The following RAB12 variants were observed in gnomAD, a reference collection of about 807,000 sequenced individuals.
RAB12 encodes RAB12, member RAS oncogene family, also known as ras-related protein Rab-12.
A neutral mutation model predicts 28.4 loss-of-function variants in RAB12; 11 were observed. The observed-to-expected ratio is 0.39, with a 90% confidence interval of 0.24 to 0.64. RAB12 has a LOEUF of 0.64. Among genes scored for constraint, RAB12 ranks in the 30% least tolerant of loss-of-function variants. RAB12 has a pLI of 0.50. For missense variants in RAB12, 276 were observed against 351.1 expected (o/e 0.79, Z 1.71); for synonymous variants, 138 against 145.3 (o/e 0.95, Z 0.36).
In RAB12 at chr18:8,639,147, C is replaced by CTTTTTGTTT. The variant is rs1567898835; in HGVS notation, c.*890_*891insGTTTTTTTT. 6.2e-5 allele frequency: 1 copy of CTTTTTGTTT among 16,024 alleles called. No homozygotes were observed. The highest frequency in any genetic ancestry group is 1.3e-4 in the Non-Finnish European group (1 of 7,590). 1.0% of individuals were successfully genotyped at this position (16,024 alleles called of 1,614,324 possible). On this transcript the variant is annotated 3_prime_UTR_variant, in exon 6 of 6. Coordinates refer to ENST00000649141, the MANE Select transcript of RAB12 (RefSeq NM_001025300.3). ...ATTCTGATTAAGCCTAGACTGTGTT[C>CTTTTTGTTT]TTTTTTTTTTTTTTTTTTTTTTTTT...
chr18:8,629,669 C>T (rs986040933), intron 2 of RAB12, among the ~76,000 whole-genome samples: 4 of 152,192 alleles, frequency 2.6e-5, no homozygotes, highest in Non-Finnish European at 4.4e-5. Flanking sequence ...AGCTTTCGTG[C>T]TTGTTTGACA....
At chr18:8,636,052 A>G in intron 4 of RAB12, 2 of 550,810 alleles carry the variant, frequency 3.6e-6, no homozygotes, top group South Asian at 4.3e-5. Context: ...CATCACCTTC[A>G]GGATTTTTAT....
chr18:8,632,955 T>C, intron 2 of RAB12: 1 of 496,336 alleles, frequency 2.0e-6, no homozygotes, highest in East Asian at 3.7e-5. Flanking sequence ...ATAATCCATC[T>C]CCATTAATCT....
chr18:8,611,287 A>T (rs2096003635), intron 1 of RAB12, among the ~76,000 whole-genome samples: 1 of 152,224 alleles, frequency 6.6e-6, no homozygotes, highest in Non-Finnish European at 1.5e-5. Flanking sequence ...TTAGTACCTG[A>T]CATAAATAAA....
intron 1 of RAB12, among the ~76,000 whole-genome samples, chr18:8,616,038 G>T (rs12455759): frequency 6.6e-6 from 1 of 152,078 alleles, no homozygotes; most frequent in Admixed American, 6.5e-5. Flanking sequence ...TGCCAGATAC[G>T]TTGTTCCAAA....
chr18:8,630,741 C>A (rs140436020), intron 2 of RAB12, among the ~76,000 whole-genome samples: 2 of 152,186 alleles, frequency 1.3e-5, no homozygotes, highest in Admixed American at 6.5e-5. Flanking sequence ...GAAAAAAGAA[C>A]GCTTTTAGAT....
At chr18:8,618,544 C>G (rs1355753907) in intron 1 of RAB12, among the ~76,000 whole-genome samples, 1 of 151,468 alleles carries the variant, frequency 6.6e-6, no homozygotes, top group South Asian at 2.1e-4. Context: ...GAGCCTTGCT[C>G]TGTCCCCCAG....
chr18:8,610,166 GC>G (rs896934679), intron 1 of RAB12: 6 of 465,262 alleles, frequency 1.3e-5, no homozygotes, highest in African/African-American at 1.2e-4. Context: ...CCTGCCCTTG[GC>G]CCCCGGCCCT....
chr18:8,629,909 TG>T (rs1272864860), intron 2 of RAB12, among the ~76,000 whole-genome samples: 1 of 152,180 alleles, frequency 6.6e-6, no homozygotes, highest in African/African-American at 2.4e-5. Flanking sequence ...CGCACTTGGT[TG>T]GGGTTCTTTG....
chr18:8,615,480 C>A (rs2096006244), intron 1 of RAB12, among the ~76,000 whole-genome samples: 1 of 152,240 alleles, frequency 6.6e-6, no homozygotes, highest in Non-Finnish European at 1.5e-5. Flanking sequence ...TAAGGAAAAT[C>A]ATCCAGAATT....
In RAB12 at chr18:8,633,336, T is replaced by G; in HGVS notation, c.714+9T>G. ...TGAAGATGATTGATAAGGTAAATGT[T>G]GCATTTTTCTGTCCAATGTGAACTC... is the stretch of plus-strand genomic sequence containing the variant. On this transcript the variant is annotated intron_variant, in intron 3 of 5. Transcript: ENST00000649141. 1.9e-6 allele frequency: 3 copies of G among 1,613,238 alleles called. No homozygotes were observed. The highest frequency in any genetic ancestry group is 2.5e-6 in the Non-Finnish European group (3 of 1,179,724).
chr18:8,631,754 T>C (rs937170399), intron 2 of RAB12, among the ~76,000 whole-genome samples: 3 of 152,242 alleles, frequency 2.0e-5, no homozygotes, highest in Admixed American at 1.3e-4. Context: ...TGTACCCTTA[T>C]GATTTATTCT....
Position 8,614,671 on chromosome 18 carries a change from C to T in RAB12, c.514+4718C>T, listed in dbSNP as rs552232124. ...GCGATCTCTGCTCACTGCAAACCTC[C>T]GCCTCCCAGGTTCAAGCAGTTCTCC... On this transcript the variant is annotated intron_variant, in intron 1 of 5. Transcript: ENST00000649141. Among the ~76,000 whole-genome samples, 179 of 152,236 alleles carry T rather than the reference C, an allele frequency of 1.2e-3. 2 individuals are homozygous for T. Among genetic ancestry groups the T allele is most frequent in the Middle Eastern group, 6.8e-3 (2 of 294 alleles).
chr18:8,634,605 C>T (rs941154981), intron 3 of RAB12, among the ~76,000 whole-genome samples: 1 of 152,210 alleles, frequency 6.6e-6, no homozygotes, highest in Non-Finnish European at 1.5e-5. Context: ...CCACCCAGGT[C>T]TTGAGGTCTG....
intron 2 of RAB12, among the ~76,000 whole-genome samples, chr18:8,631,144 C>T (rs1236356953): frequency 6.6e-6 from 1 of 152,218 alleles, no homozygotes; most frequent in Non-Finnish European, 1.5e-5. Flanking sequence ...CCCACCTCAG[C>T]TTCACAAATT....
At chr18:8,627,867 C>G (rs1351377656) in intron 2 of RAB12, among the ~76,000 whole-genome samples, 1 of 152,118 alleles carries the variant, frequency 6.6e-6, no homozygotes, top group Non-Finnish European at 1.5e-5. Context: ...ATATTTCATA[C>G]CCTATATTGG....
chr18:8,633,090 C>T (rs754881434), intron 2 of RAB12, 99 bp from the exon 3 acceptor site: 12 of 1,469,380 alleles, frequency 8.2e-6, no homozygotes, highest in African/African-American at 4.2e-5. Flanking sequence ...GTTCTTTTTT[C>T]GCAGAAAAAC....
At position 8,631,082 on chromosome 18, in the gene RAB12, G is replaced by T. The variant is rs1456259610; in HGVS notation, c.576-2107G>T. Among the ~76,000 whole-genome samples the T allele has an allele frequency of 3.5e-4, 53 of 152,198 alleles. 1 individual carries two copies. The highest frequency in any genetic ancestry group is 3.4e-3 in the Admixed American group (52 of 15,282). Reference sequence around the variant, plus strand: ...TTTTATATTTTTAGTAGAGACGGGGGTTTCACCATGTTGGCCAGGCTGGTC... The same window carrying T: ...TTTTATATTTTTAGTAGAGACGGGGTTTTCACCATGTTGGCCAGGCTGGTC... On this transcript the variant is annotated intron_variant, in intron 2 of 5. Transcript: ENST00000649141.
chr18:8,623,987 G>A (rs1007603644), intron 1 of RAB12, among the ~76,000 whole-genome samples: 3 of 152,224 alleles, frequency 2.0e-5, no homozygotes, highest in Admixed American at 2.0e-4. Flanking sequence ...GCACCTCATT[G>A]GTGCCCAGAG....
Sources: allele counts gnomAD v4.1 joint callset (sites outside exome capture counted in the v4.1 genomes callset), GRCh38; gene constraint gnomAD v4.1.1; transcripts MANE v1.5; gene names NCBI Gene and HGNC (gene_info 2026-07-23, HGNC 2026-07-21).